The following CLIC6 variants were observed in gnomAD, a reference collection of about 807,000 sequenced individuals.
CLIC6 encodes the protein CLIC family member 6, also known as chloride intracellular channel protein 6.
In CLIC6, 39 loss-of-function variants were observed where a neutral mutation model predicts 49.2. That is an observed-to-expected ratio of 0.79 (90% CI 0.61 to 1.04). CLIC6 has a LOEUF of 1.04. CLIC6 is among the 50% of genes least tolerant of loss of function. The pLI is 0.00. For missense variants in CLIC6, 988 were observed against 993.1 expected, an observed-to-expected ratio of 0.99 and a Z score of 0.07; for synonymous variants, 446 against 433.4, an observed-to-expected ratio of 1.03 and a Z score of -0.36.
intron 1 of CLIC6, among the ~76,000 whole-genome samples, chr21:34,691,682 A>G (rs1989997625): frequency 1.3e-5 from 2 of 152,194 alleles, no homozygotes; most frequent in Admixed American, 1.3e-4. Context: ...TCTACCATTG[A>G]TCTGGTGTTT....
At chr21:34,681,291 G>C in intron 1 of CLIC6, among the ~76,000 whole-genome samples, 1 of 152,198 alleles carries the variant, frequency 6.6e-6, no homozygotes, top group East Asian at 1.9e-4. Flanking sequence ...CACAAGAACA[G>C]CATGGGGGAA....
chr21:34,669,412 G>A lies in CLIC6; in HGVS notation c.24G>A (p.Glu8=), dbSNP rs1258184763. The A allele has an allele frequency of 6.5e-6, 8 of 1,236,022 alleles. No homozygotes were observed. Among genetic ancestry groups the A allele is most frequent in the Non-Finnish European group, 8.1e-6 (8 of 990,412 alleles). 76.6% of individuals were successfully genotyped at this position (1,236,022 alleles called of 1,614,324 possible). ...CCATGGCCGAGGCCGCGGAGCCGGA[G>A]GGGGTTGCCCCGGGTCCCCAGGGGC... The part of the protein sequence containing the change: MAEAAEP[E]GVAPGPQGPP... The change falls in exon 1 of 6, where the codon GAG becomes GAA. Residue 8 remains glutamate (E), a synonymous_variant. Coordinates refer to ENST00000349499, the MANE Select transcript of CLIC6 (RefSeq NM_053277.3).
chr21:34,669,424 G>A lies in CLIC6; in HGVS notation c.36G>A (p.Pro12=). 8.1e-7 allele frequency: 1 copy of A among 1,234,804 alleles called. No homozygotes were observed. Among genetic ancestry groups the A allele is most frequent in the Non-Finnish European group, 1.0e-6 (1 of 989,902 alleles). The allele number at this position is 1,234,804 out of a possible 1,614,324, so 76.5% of individuals were successfully genotyped here. The change falls in exon 1 of 6, where the codon CCG becomes CCA. Residue 12 remains proline (P), a synonymous_variant. Coordinates refer to ENST00000349499, the MANE Select transcript of CLIC6 (RefSeq NM_053277.3). ...AEAAEPEGVA[P]GPQGPPEVPA... is the part of the protein sequence containing the mutation. ...CCGCGGAGCCGGAGGGGGTTGCCCC[G>A]GGTCCCCAGGGGCCGCCGGAGGTCC...
rs903691191 is a variant in CLIC6 at position 34,673,293 on chromosome 21, AT to A, written c.1374+2541del. 3.8e-3 allele frequency among the ~76,000 whole-genome samples: 564 copies of A among 148,100 alleles called. 4 individuals carry two copies. Among genetic ancestry groups the A allele is most frequent in the African/African-American group, 0.013 (508 of 40,404 alleles). ...AATGATGAGATTGGTTAACTTTTTTATTTTTTTTTTAATTGAGACAGGTTCT... is the reference window on the plus strand; with the variant it reads ...AATGATGAGATTGGTTAACTTTTTTATTTTTTTTTAATTGAGACAGGTTCT... On this transcript the variant is annotated intron_variant, in intron 1 of 5. Coordinates refer to ENST00000349499, the MANE Select transcript of CLIC6 (RefSeq NM_053277.3).
intron 1 of CLIC6, among the ~76,000 whole-genome samples, chr21:34,675,062 C>G (rs540904733): frequency 1.3e-4 from 20 of 151,994 alleles, no homozygotes; most frequent in Non-Finnish European, 2.8e-4. Context: ...TAGTCCTGGG[C>G]CACCCAGGAT....
Position 34,711,525 on chromosome 21 carries a change from A to T in CLIC6, c.1899+1987A>T, listed in dbSNP as rs368912139. On this transcript the variant is annotated intron_variant, in intron 5 of 5. Transcript: ENST00000349499. The stretch of plus-strand genomic sequence containing the variant: ...CAGAGCAAGACTCTGTCAAATAAAC[A>T]AACAAATAAATAAATAAATAAATAA... Among the ~76,000 whole-genome samples, 982 of 122,322 alleles carry T rather than the reference A, an allele frequency of 8.0e-3. 4 individuals are homozygous for T. Among genetic ancestry groups the T allele is most frequent in the South Asian group, 0.019 (70 of 3,778 alleles). The allele number at this position is 122,322 out of a possible 152,430, so 80.2% of individuals were successfully genotyped here. A position where few individuals can be genotyped will look rare whatever the true frequency, so the allele number is the denominator to read the frequency against.
In CLIC6 at chr21:34,669,723, GC is replaced by G; in HGVS notation, c.338del (p.Pro113ArgfsTer48). 1 of 1,385,544 alleles carries G rather than the reference GC, an allele frequency of 7.2e-7. No homozygotes were observed. The highest frequency in any genetic ancestry group is 9.3e-7 in the Non-Finnish European group (1 of 1,080,016). The allele number at this position is 1,385,544 out of a possible 1,614,324, so 85.8% of individuals were successfully genotyped here. On this transcript the variant is annotated frameshift_variant, in exon 1 of 6. Transcript: ENST00000349499. LOFTEE classifies it high-confidence loss of function. ...TSGAQQVEGASPGRGAQGEPR... is the reference protein window; with the variant it reads ...TSGAQQVEGAXPGRGAQGEPR... ...GGCGCGCAGCAGGTGGAGGGGGCGA[GC>G]CCGGGACGCGGCGCGCAGGGCGAGC...
rs2056033641 is a variant in CLIC6, at chr21:34,708,683, A to G, written c.1611-17A>G. 2 of 1,575,910 alleles carry G rather than the reference A, an allele frequency of 1.3e-6. No individual in the cohort carries two copies. Among genetic ancestry groups the G allele is most frequent in the Non-Finnish European group, 1.7e-6 (2 of 1,145,532 alleles). On this transcript the variant is annotated splice_polypyrimidine_tract_variant and intron_variant, in intron 3 of 5. Transcript: ENST00000349499. Reference sequence around the variant, plus strand: ...AACATCACTTGTCTGTGATCCTCCAATTTTGAACTTTTCAAGGTATCCCAA... The same window carrying G: ...AACATCACTTGTCTGTGATCCTCCAGTTTTGAACTTTTCAAGGTATCCCAA...
At chr21:34,706,038 T>G (rs945472343) in intron 1 of CLIC6, 11 of 681,808 alleles carry the variant, frequency 1.6e-5, no homozygotes, top group Non-Finnish European at 2.9e-5. Context: ...TAAAACTTAC[T>G]GCATTAGGCT....
At chr21:34,681,411 T>A (rs1989778471) in intron 1 of CLIC6, among the ~76,000 whole-genome samples, 1 of 152,150 alleles carries the variant, frequency 6.6e-6, no homozygotes, top group African/African-American at 2.4e-5. Flanking sequence ...CCTTATCAGT[T>A]GGGTAGTTCT....
At chr21:34,687,332 C>T (rs1031350400) in intron 1 of CLIC6, among the ~76,000 whole-genome samples, 2 of 152,086 alleles carry the variant, frequency 1.3e-5, no homozygotes, top group Non-Finnish European at 2.9e-5. Flanking sequence ...AAACAGGCTG[C>T]AATATTAAGC....
chr21:34,680,405 G>A (rs1989755652), intron 1 of CLIC6, among the ~76,000 whole-genome samples: 1 of 152,208 alleles, frequency 6.6e-6, no homozygotes, highest in African/African-American at 2.4e-5. Flanking sequence ...TGATGGGAGG[G>A]GTTGCCACAA....
chr21:34,710,236 G>A (rs1027253482), intron 5 of CLIC6, among the ~76,000 whole-genome samples: 1 of 152,076 alleles, frequency 6.6e-6, no homozygotes, highest in Admixed American at 6.5e-5. Flanking sequence ...TAAGGAGGTG[G>A]CACTGCACTC....
chr21:34,670,339 G>C lies in CLIC6; in HGVS notation c.951G>C (p.Glu317Asp). Reference sequence around the variant, plus strand: ...AGGCAATTGAGGTCGCAGCCGGGGAGAGTGCGGGGCGCAGCCCCGGTGAGC... The same window carrying C: ...AGGCAATTGAGGTCGCAGCCGGGGACAGTGCGGGGCGCAGCCCCGGTGAGC... The part of the protein sequence containing the change: ...QAEAIEVAAG[E>D]SAGRSPGELA... The change falls in exon 1 of 6, where the codon GAG (glutamate) becomes GAC (aspartate). Residue 317 changes from glutamate to aspartate, a missense_variant. Coordinates refer to ENST00000349499, the MANE Select transcript of CLIC6 (RefSeq NM_053277.3). 6.9e-7 allele frequency: 1 copy of C among 1,451,382 alleles called. No individual in the cohort carries two copies. The highest frequency in any genetic ancestry group is 9.1e-7 in the Non-Finnish European group (1 of 1,102,928). 89.9% of individuals were successfully genotyped at this position (1,451,382 alleles called of 1,614,324 possible).
chr21:34,676,409 T>C (rs1989671553), intron 1 of CLIC6, among the ~76,000 whole-genome samples: 1 of 152,256 alleles, frequency 6.6e-6, no homozygotes, highest in Admixed American at 6.5e-5. Context: ...TAAGCAGGAC[T>C]GACAAGCTTC....
chr21:34,704,747 G>A (rs1275729031), intron 1 of CLIC6, among the ~76,000 whole-genome samples: 6 of 152,074 alleles, frequency 3.9e-5, no homozygotes, highest in South Asian at 4.1e-4. Context: ...TGCTCCTACC[G>A]GCTTTATTCC....
chr21:34,701,112 C>T (rs1365501646), intron 1 of CLIC6, among the ~76,000 whole-genome samples: 3 of 142,254 alleles, frequency 2.1e-5, no homozygotes, highest in Non-Finnish European at 4.6e-5. Flanking sequence ...ACCATCCTGG[C>T]TAACAAGGTG....
Position 34,700,686 on chromosome 21 carries a change from G to C in CLIC6, c.1375-6594G>C, listed in dbSNP as rs552250103. Among the ~76,000 whole-genome samples the C allele has an allele frequency of 1.0e-4, 14 of 139,886 alleles. 3 individuals are homozygous for C. The East Asian group carries it at 2.7e-3, about 27-fold the overall frequency. The allele number at this position is 139,886 out of a possible 152,430, so 91.8% of individuals were successfully genotyped here. A position where few individuals can be genotyped will look rare whatever the true frequency, so the allele number is the denominator to read the frequency against. On this transcript the variant is annotated intron_variant, in intron 1 of 5. Coordinates refer to ENST00000349499, the MANE Select transcript of CLIC6 (RefSeq NM_053277.3). ...CCATTCCTTGGAATTCCCTCTCTTC[G>C]AGGGGGTGGTAGGAAAAGTCAGCCG...
At chr21:34,714,242 T>C (rs1430042589) in intron 5 of CLIC6, among the ~76,000 whole-genome samples, 2 of 152,136 alleles carry the variant, frequency 1.3e-5, no homozygotes, top group African/African-American at 2.4e-5. Flanking sequence ...CAAACAGCAG[T>C]GGGAATTATA....
Sources: allele counts gnomAD v4.1 joint callset (sites outside exome capture counted in the v4.1 genomes callset), GRCh38; gene constraint gnomAD v4.1.1; transcripts MANE v1.5; gene names NCBI Gene and HGNC (gene_info 2026-07-23, HGNC 2026-07-21).